TMEM117: variants seen among roughly 807,000 people sequenced by gnomAD.
TMEM117 encodes the protein transmembrane protein 117.
TMEM117 carries 27 observed loss-of-function variants against 52.4 expected under a neutral mutation model. The observed-to-expected ratio is 0.51, with a 90% CI of 0.38 to 0.71. TMEM117 has a LOEUF of 0.71. TMEM117 is among the 30% of genes least tolerant of loss of function. TMEM117 has a pLI of 0.00. For missense variants in TMEM117, 556 were observed against 630.5 expected (o/e 0.88, Z 1.26); for synonymous variants, 215 against 206.3 (o/e 1.04, Z -0.36).
At chr12:44,185,542 G>C (rs768649680) in intron 4 of TMEM117, among the ~76,000 whole-genome samples, 1 of 152,046 alleles carries the variant, frequency 6.6e-6, no homozygotes, top group African/African-American at 2.4e-5. Context: ...AGACATTGGT[G>C]CTTAAAAAAA....
At chr12:43,898,717 A>AGTAGTT (rs1944255273) in intron 2 of TMEM117, among the ~76,000 whole-genome samples, 1 of 152,100 alleles carries the variant, frequency 6.6e-6, no homozygotes, top group African/African-American at 2.4e-5. Context: ...TGTACAACAC[A>AGTAGTT]GTAGTTAGTT....
chr12:43,827,229 G>A, the TMEM117 span, among the ~76,000 whole-genome samples: 40,424 of 151,608 alleles, frequency 0.27, 5,888 homozygotes, highest in African/African-American at 0.37. Context: ...GATTCTACCT[G>A]TTTTTCTTAA....
At chr12:43,816,906 C>G in the TMEM117 span, among the ~76,000 whole-genome samples, 2 of 152,240 alleles carry the variant, frequency 1.3e-5, no homozygotes, top group African/African-American at 4.8e-5. Context: ...TTCGCACAAC[C>G]TGAATGCATT....
In TMEM117 at chr12:44,051,335, G is replaced by C. The variant is rs551828204; in HGVS notation, c.411-92190G>C. On this transcript the variant is annotated intron_variant, in intron 3 of 7. Transcript: ENST00000266534. ...AATAATAATGACAGTAATAATAATA[G>C]ACGATATCCACATCTGTTCTACTGA... 1.4e-3 allele frequency among the ~76,000 whole-genome samples: 220 copies of C among 152,204 alleles called. 3 individuals carry two copies. The highest frequency in any genetic ancestry group is 5.0e-3 in the African/African-American group (206 of 41,530).
chr12:44,250,122 CA>C (rs1950178854), intron 5 of TMEM117, among the ~76,000 whole-genome samples: 1 of 151,804 alleles, frequency 6.6e-6, no homozygotes, highest in South Asian at 2.1e-4. Flanking sequence ...TCAGAAACTA[CA>C]AGGAACTTAA....
intron 5 of TMEM117, among the ~76,000 whole-genome samples, chr12:44,226,635 A>G (rs1949865174): frequency 6.6e-6 from 1 of 152,090 alleles, no homozygotes. Context: ...GACTTCAAAG[A>G]GGTGATAAGG....
intron 4 of TMEM117, among the ~76,000 whole-genome samples, chr12:44,165,115 A>G (rs1592572258): frequency 6.6e-6 from 1 of 152,160 alleles, no homozygotes; most frequent in East Asian, 1.9e-4. Context: ...TCTGGTAAGC[A>G]TCATTCTACT....
the TMEM117 span, among the ~76,000 whole-genome samples, chr12:43,827,952 T>C: frequency 6.6e-6 from 1 of 151,822 alleles, no homozygotes; most frequent in African/African-American, 2.4e-5. Flanking sequence ...CAAATTGGAG[T>C]GATGCGTCTG....
intron 2 of TMEM117, among the ~76,000 whole-genome samples, chr12:43,906,043 C>T: frequency 6.6e-6 from 1 of 152,206 alleles, no homozygotes. Flanking sequence ...CAATAATTTT[C>T]TACCCAACTA....
chr12:44,003,998 A>G (rs963859979), intron 3 of TMEM117, among the ~76,000 whole-genome samples: 1 of 152,182 alleles, frequency 6.6e-6, no homozygotes, highest in African/African-American at 2.4e-5. Context: ...GGATGAGAAT[A>G]TGCTTTTTTC....
At chr12:43,884,793 C>G (rs1186616132) in intron 2 of TMEM117, among the ~76,000 whole-genome samples, 1 of 152,168 alleles carries the variant, frequency 6.6e-6, no homozygotes, top group Non-Finnish European at 1.5e-5. Flanking sequence ...ACAAATAACT[C>G]ACAATCTTCC....
At chr12:44,127,194 T>C (rs1048269632) in intron 3 of TMEM117, among the ~76,000 whole-genome samples, 2 of 152,316 alleles carry the variant, frequency 1.3e-5, no homozygotes, top group South Asian at 2.1e-4. Flanking sequence ...TATTGTGTCA[T>C]ATGTTGATAG....
rs912772927 is a variant in TMEM117 at position 43,878,911 on chromosome 12, A to G, written c.277+33983A>G. ...GGTGACCATTCATAAATGTGTACCA[A>G]TGATATATTGAAAATATCTAGTGAA... On this transcript the variant is annotated intron_variant, in intron 2 of 7. Coordinates refer to ENST00000266534, the MANE Select transcript of TMEM117 (RefSeq NM_032256.3). 3.3e-5 allele frequency among the ~76,000 whole-genome samples: 5 copies of G among 152,330 alleles called. No individual in the cohort carries two copies. The East Asian group carries it at 9.6e-4, about 29-fold the overall frequency.
In TMEM117 at chr12:44,282,572, G is replaced by A. The variant is rs1950591425; in HGVS notation, c.609-17008G>A. On this transcript the variant is annotated intron_variant, in intron 5 of 7. Coordinates refer to ENST00000266534, the MANE Select transcript of TMEM117 (RefSeq NM_032256.3). Reference sequence around the variant, plus strand: ...GAGATCTGTGGAACTTTAAACTTGAGAAAGATTATTTAGGGTATCTGCAGA... The same window carrying A: ...GAGATCTGTGGAACTTTAAACTTGAAAAAGATTATTTAGGGTATCTGCAGA... Among the ~76,000 whole-genome samples, 3 of 152,174 alleles carry A rather than the reference G, an allele frequency of 2.0e-5. No individual in the cohort carries two copies. In the South Asian group the frequency reaches 6.2e-4, roughly 31 times the overall value.
intron 6 of TMEM117, among the ~76,000 whole-genome samples, chr12:44,311,831 GTATATATGTATATATATGTA>G (rs1384110097): frequency 3.6e-4 from 9 of 24,756 alleles, no homozygotes; most frequent in South Asian, 6.3e-3. Context: ...ATGTATATAT[GTATATATGTATATATATGTA>G]TATATGTATA....
chr12:44,376,862 G>A, intron 7 of TMEM117, 138 bp downstream of exon 7: 1 of 926,738 alleles, frequency 1.1e-6, no homozygotes, highest in Non-Finnish European at 1.5e-6. Flanking sequence ...AGTGCAAGGT[G>A]GTTTTCAGAT....
chr12:44,137,850 C>T (rs1301177615), intron 3 of TMEM117, among the ~76,000 whole-genome samples: 1 of 152,090 alleles, frequency 6.6e-6, no homozygotes, highest in Non-Finnish European at 1.5e-5. Context: ...TGGGTAGGGA[C>T]ACAGCCAAAC....
At chr12:44,361,968 A>T (rs901656592) in intron 6 of TMEM117, among the ~76,000 whole-genome samples, 2 of 152,150 alleles carry the variant, frequency 1.3e-5, no homozygotes, top group African/African-American at 4.8e-5. Context: ...TATTTCTAAG[A>T]TCTAGCAGAG....
intron 1 of TMEM117, among the ~76,000 whole-genome samples, chr12:43,842,239 G>T (rs1434346127): frequency 6.6e-6 from 1 of 152,082 alleles, no homozygotes; most frequent in Non-Finnish European, 1.5e-5. Context: ...ACACATATAA[G>T]TTTCTGCTGC....
Sources: allele counts gnomAD v4.1 joint callset (sites outside exome capture counted in the v4.1 genomes callset), GRCh38; gene constraint gnomAD v4.1.1; transcripts MANE v1.5; gene names NCBI Gene and HGNC (gene_info 2026-07-23, HGNC 2026-07-21).